Variants in GXYLT2 observed in about 807,000 individuals in gnomAD.
GXYLT2 encodes glycosyltransferase 8 domain containing 4.
GXYLT2 carries 53 observed loss-of-function variants against 45.8 expected under a neutral mutation model. The observed-to-expected ratio is 1.16, with a 90% CI of 0.93 to 1.46. The LOEUF (loss-of-function observed/expected upper bound fraction) is 1.46. Ranked by LOEUF, GXYLT2 falls within the 40% of genes most tolerant of loss-of-function variation. GXYLT2 has a pLI of 0.00. For missense variants in GXYLT2, 551 were observed against 544.4 expected (o/e 1.01, Z -0.12); for synonymous variants, 219 against 214.2 (o/e 1.02, Z -0.19).
At chr3:72,925,594 A>G (rs1709904884) in intron 3 of GXYLT2, among the ~76,000 whole-genome samples, 1 of 152,168 alleles carries the variant, frequency 6.6e-6, no homozygotes, top group African/African-American at 2.4e-5. Context: ...GGTGAGAGAA[A>G]ATGTTAGGTT....
chr3:72,938,502 C>G (rs2107121937), intron 3 of GXYLT2, among the ~76,000 whole-genome samples: 1 of 152,314 alleles, frequency 6.6e-6, no homozygotes, highest in South Asian at 2.1e-4. Flanking sequence ...ATCCTGTTTT[C>G]AGCAACACAT....
At chr3:72,890,252 CT>C (rs2107052934) in intron 1 of GXYLT2, among the ~76,000 whole-genome samples, 1 of 152,338 alleles carries the variant, frequency 6.6e-6, no homozygotes, top group African/African-American at 2.4e-5. Context: ...AAAGTGTGGA[CT>C]TCAGACCAGT....
chr3:72,974,330 T>C (rs1711050476), intron 6 of GXYLT2, among the ~76,000 whole-genome samples: 1 of 152,212 alleles, frequency 6.6e-6, no homozygotes, highest in African/African-American at 2.4e-5. Context: ...TAATATTTGG[T>C]ACCTGAATTA....
intron 3 of GXYLT2, among the ~76,000 whole-genome samples, chr3:72,939,574 C>G (rs1039884464): frequency 4.1e-4 from 63 of 152,120 alleles, no homozygotes; most frequent in African/African-American, 1.5e-3. Context: ...CAGCATCAAA[C>G]AGAATGTTCT....
Position 72,933,993 on chromosome 3 carries a change from G to T in GXYLT2, c.600+11658G>T, listed in dbSNP as rs112889694. Among the ~76,000 whole-genome samples the T allele has an allele frequency of 9.2e-3, 1,404 of 152,040 alleles. 18 individuals carry two copies. The highest frequency in any genetic ancestry group is 0.033 in the African/African-American group (1,348 of 41,458). ...AGCTTAGCCAGCTGGACTTGTGTTG[G>T]ATTAAAGATGGCAAGGAAATTATTT... is the stretch of plus-strand genomic sequence containing the variant. On this transcript the variant is annotated intron_variant, in intron 3 of 6. Transcript: ENST00000389617.
intron 2 of GXYLT2, among the ~76,000 whole-genome samples, 196 bp downstream of exon 2, chr3:72,908,755 G>A (rs1337043799): frequency 6.6e-6 from 1 of 152,182 alleles, no homozygotes; most frequent in East Asian, 1.9e-4. Context: ...AGGATTGAAT[G>A]AGACGAGGGT....
At chr3:72,897,017 TAGTA>T (rs1709304786) in intron 1 of GXYLT2, among the ~76,000 whole-genome samples, 2 of 152,188 alleles carry the variant, frequency 1.3e-5, no homozygotes, top group Non-Finnish European at 2.9e-5. Flanking sequence ...GTCATGTTAA[TAGTA>T]ATAATGATGA....
intron 3 of GXYLT2, among the ~76,000 whole-genome samples, chr3:72,923,998 G>A (rs1434021811): frequency 1.3e-5 from 2 of 151,986 alleles, no homozygotes; most frequent in African/African-American, 4.8e-5. Context: ...GGGCCTTGGG[G>A]GTAATGAGAG....
intron 1 of GXYLT2, among the ~76,000 whole-genome samples, chr3:72,897,517 A>G (rs1388128152): frequency 2.0e-5 from 3 of 152,216 alleles, no homozygotes; most frequent in African/African-American, 7.2e-5. Context: ...ATGTGCTTAC[A>G]GCTGGTGGGG....
intron 3 of GXYLT2, among the ~76,000 whole-genome samples, 181 bp downstream of exon 3, chr3:72,922,516 C>T (rs746498444): frequency 6.6e-6 from 1 of 152,126 alleles, no homozygotes; most frequent in East Asian, 1.9e-4. Context: ...GTTGTCATAC[C>T]GAAAGACTGA....
At chr3:72,921,881 T>G (rs1328226169) in intron 2 of GXYLT2, among the ~76,000 whole-genome samples, 8 of 139,934 alleles carry the variant, frequency 5.7e-5, no homozygotes, top group Admixed American at 5.4e-4. Context: ...CAAACTAGGT[T>G]GTGGTGAATG....
chr3:72,953,490 C>T (rs563689556), intron 3 of GXYLT2, among the ~76,000 whole-genome samples: 1 of 152,188 alleles, frequency 6.6e-6, no homozygotes, highest in Admixed American at 6.6e-5. Flanking sequence ...GGGGTTTCAC[C>T]ATTTGCCCAG....
At chr3:72,970,894 C>A (rs1710976677) in intron 6 of GXYLT2, among the ~76,000 whole-genome samples, 1 of 152,182 alleles carries the variant, frequency 6.6e-6, no homozygotes, top group South Asian at 2.1e-4. Context: ...CTAGAGTTGA[C>A]TTCTGTACAG....
intron 2 of GXYLT2, among the ~76,000 whole-genome samples, chr3:72,911,278 A>T (rs1164469908): frequency 6.6e-6 from 1 of 152,160 alleles, no homozygotes; most frequent in Non-Finnish European, 1.5e-5. Flanking sequence ...CGACAGAGAA[A>T]GACTCTGTCT....
intron 3 of GXYLT2, among the ~76,000 whole-genome samples, chr3:72,928,330 G>A (rs1250815266): frequency 2.0e-5 from 3 of 152,222 alleles, no homozygotes; most frequent in Non-Finnish European, 2.9e-5. Context: ...AGAAGAGTGA[G>A]AATCGGTGAC....
intron 5 of GXYLT2, among the ~76,000 whole-genome samples, chr3:72,958,335 A>G (rs1382530647): frequency 1.3e-5 from 2 of 152,200 alleles, no homozygotes; most frequent in African/African-American, 4.8e-5. Context: ...GGGCAAAAAA[A>G]GCAATCCTTA....
At chr3:72,954,550 CT>C (rs1257114897) in intron 3 of GXYLT2, among the ~76,000 whole-genome samples, 2 of 151,154 alleles carry the variant, frequency 1.3e-5, no homozygotes, top group Non-Finnish European at 2.9e-5. Flanking sequence ...GTATGAGCTG[CT>C]TTAGAGATTG....
At chr3:72,908,270 A>G (rs2107079859) in intron 1 of GXYLT2, 97 bp from the exon 2 acceptor site, 1 of 756,684 alleles carries the variant, frequency 1.3e-6, no homozygotes, top group Non-Finnish European at 2.1e-6. Context: ...GTGCCTGATC[A>G]TGTTTTGAAA....
At chr3:72,890,902 AAAC>A (rs1362620018) in intron 1 of GXYLT2, among the ~76,000 whole-genome samples, 1 of 152,216 alleles carries the variant, frequency 6.6e-6, no homozygotes, top group Non-Finnish European at 1.5e-5. Context: ...AAGGAGTAAA[AAAC>A]AAAAGCCACA....
Sources: allele counts gnomAD v4.1 joint callset (sites outside exome capture counted in the v4.1 genomes callset), GRCh38; gene constraint gnomAD v4.1.1; transcripts MANE v1.5; gene names NCBI Gene and HGNC (gene_info 2026-07-23, HGNC 2026-07-21).